Variants in ARNT observed in about 807,000 individuals in gnomAD.
ARNT encodes the protein aryl hydrocarbon receptor nuclear translocator.
Under a neutral mutation model 105.0 loss-of-function variants are expected in ARNT, and 30 were observed. The ratio of observed to expected loss-of-function variants is 0.29; its 90% confidence interval spans 0.21 to 0.39. The LOEUF (loss-of-function observed/expected upper bound fraction) is 0.39, where lower values mean the gene tolerates loss of function less well. Ranked by LOEUF, ARNT falls within the 10% of genes least tolerant of loss-of-function variation. The probability of loss-of-function intolerance (pLI) is 1.00; values close to 1 mark genes in which losing one functional copy is unlikely to be tolerated. For missense variants in ARNT, 748 were observed against 978.7 expected (o/e 0.76, Z 3.15); for synonymous variants, 304 against 344.0 (o/e 0.88, Z 1.29).
chr1:150,847,157 C>T (rs1662375965), intron 3 of ARNT, among the ~76,000 whole-genome samples: 1 of 151,920 alleles, frequency 6.6e-6, no homozygotes, highest in South Asian at 2.1e-4. Context: ...GGAGGCTGGG[C>T]GCAGTGGCTC....
At chr1:150,836,559 G>A (rs1660365140) in intron 6 of ARNT, 66 bp from the exon 7 acceptor site, 15 of 1,489,112 alleles carry the variant, frequency 1.0e-5, no homozygotes, top group South Asian at 3.8e-5. Flanking sequence ...CTATTCACAG[G>A]AAGAAGTAAG....
At chr1:150,845,678 C>T (rs192724642) in intron 4 of ARNT, among the ~76,000 whole-genome samples, 13 of 151,798 alleles carry the variant, frequency 8.6e-5, no homozygotes, top group South Asian at 4.2e-4. Context: ...CCGAGGCGGG[C>T]GGATCACAAG....
At chr1:150,823,439 T>G in intron 13 of ARNT, 94 bp from the exon 14 acceptor site, 32 of 1,248,862 alleles carry the variant, frequency 2.6e-5, no homozygotes, top group Non-Finnish European at 3.2e-5. Flanking sequence ...CCTAAAACTC[T>G]TGTCATTGTC....
intron 1 of ARNT, among the ~76,000 whole-genome samples, chr1:150,867,647 G>T (rs1666823471): frequency 6.6e-6 from 1 of 152,152 alleles, no homozygotes; most frequent in Non-Finnish European, 1.5e-5. Context: ...GGGTGATATG[G>T]TTTGGCTCTG....
At chr1:150,823,552 CT>C (rs34223160) in intron 13 of ARNT, among the ~76,000 whole-genome samples, 47,363 of 132,354 alleles carry the variant, frequency 0.36, 5,878 homozygotes, top group South Asian at 0.48. Context: ...GAGACTTAAG[CT>C]TTTTTTTTTT....
intron 8 of ARNT, among the ~76,000 whole-genome samples, chr1:150,834,005 G>A (rs2101880245): frequency 6.6e-6 from 1 of 151,680 alleles, no homozygotes; most frequent in Non-Finnish European, 1.5e-5. Flanking sequence ...CACAATCTCG[G>A]CTCACTGCAA....
chr1:150,842,507 A>G (rs1661468105), intron 4 of ARNT, 39 bp from the exon 5 acceptor site: 2 of 1,591,534 alleles, frequency 1.3e-6, no homozygotes, highest in Non-Finnish European at 1.7e-6. Flanking sequence ...AAATTAAAAT[A>G]AAAAAGAAGG....
At chr1:150,842,320 A>C in intron 5 of ARNT, 104 bp downstream of exon 5, 1 of 1,484,006 alleles carries the variant, frequency 6.7e-7, no homozygotes, top group Non-Finnish European at 9.0e-7. Context: ...TGCCACAGAT[A>C]AGGAAAAATA....
chr1:150,814,017 C>A lies in ARNT; in HGVS notation c.2113+60G>T, dbSNP rs370497335. 6.3e-6 allele frequency: 10 copies of A among 1,583,760 alleles called. No homozygotes were observed. In the East Asian group the frequency reaches 2.0e-4, roughly 32 times the overall value. On this transcript the variant is annotated intron_variant, in intron 20 of 21. Transcript: ENST00000358595. ...AACACAGGCAAACAACTTTAACTAC[C>A]AAATCCTTTCTCTTTAGTGGTGCGA... is the stretch of plus-strand genomic sequence containing the variant.
At chr1:150,873,356 A>G (rs1043150922) in intron 1 of ARNT, among the ~76,000 whole-genome samples, 3 of 152,068 alleles carry the variant, frequency 2.0e-5, no homozygotes, top group Non-Finnish European at 2.9e-5. Flanking sequence ...GAAACAGCCT[A>G]AAGTTTCATG....
At chr1:150,876,445 T>G in intron 1 of ARNT, 98 bp downstream of exon 1, 3 of 1,303,334 alleles carry the variant, frequency 2.3e-6, no homozygotes, top group East Asian at 4.1e-5. Flanking sequence ...CCCCGGCGCC[T>G]TCAGCTCCAG....
intron 20 of ARNT, among the ~76,000 whole-genome samples, chr1:150,813,640 T>A (rs587685488): frequency 4.3e-4 from 66 of 152,206 alleles, no homozygotes; most frequent in African/African-American, 1.3e-3. Flanking sequence ...GGTAGTTTTT[T>A]TTTTTTATTT....
In ARNT at chr1:150,814,304, CTA is replaced by C; in HGVS notation, c.1951-67_1951-66del. On this transcript the variant is annotated intron_variant, in intron 19 of 21. Transcript: ENST00000358595. The stretch of plus-strand genomic sequence containing the variant: ...ATTAACATCATTGCACATACCATGC[CTA>C]TGAGAGTCAACACTGTCAATCACTG... The C allele has an allele frequency of 4.0e-6, 6 of 1,502,894 alleles. 1 individual carries two copies. In the South Asian group the frequency reaches 6.0e-5, roughly 15 times the overall value. 93.1% of individuals were successfully genotyped at this position (1,502,894 alleles called of 1,614,324 possible).
intron 4 of ARNT, among the ~76,000 whole-genome samples, chr1:150,844,136 T>A (rs1198457519): frequency 6.6e-6 from 1 of 152,200 alleles, no homozygotes; most frequent in Non-Finnish European, 1.5e-5. Flanking sequence ...CCTCCAAATA[T>A]CTATGATTAA....
intron 14 of ARNT, among the ~76,000 whole-genome samples, chr1:150,822,790 A>G (rs1657376937): frequency 6.6e-6 from 1 of 152,208 alleles, no homozygotes; most frequent in Non-Finnish European, 1.5e-5. Flanking sequence ...TGGCATCAGA[A>G]GTGGGAGCAG....
chr1:150,844,775 C>A (rs1179251180), intron 4 of ARNT, among the ~76,000 whole-genome samples: 2 of 149,968 alleles, frequency 1.3e-5, no homozygotes, highest in African/African-American at 4.9e-5. Context: ...TTTTTTCAAT[C>A]AAAACTCTAC....
chr1:150,848,653 C>T (rs933747323), intron 3 of ARNT, among the ~76,000 whole-genome samples: 2 of 152,004 alleles, frequency 1.3e-5, no homozygotes, highest in African/African-American at 4.8e-5. Flanking sequence ...CTCAGCTTCC[C>T]GAGTAGCTGA....
At chr1:150,852,861 G>C in intron 2 of ARNT, 55 bp from the exon 3 acceptor site, 1 of 1,602,744 alleles carries the variant, frequency 6.2e-7, no homozygotes, top group Non-Finnish European at 8.5e-7. Context: ...AAAACATTAA[G>C]AAGTTAAAAT....
chr1:150,836,350 A>G lies in ARNT; in HGVS notation c.630T>C (p.Tyr210=). 6.2e-7 allele frequency: 1 copy of G among 1,614,152 alleles called. No individual in the cohort carries two copies. Among genetic ancestry groups the G allele is most frequent in the Non-Finnish European group, 8.5e-7 (1 of 1,180,018 alleles). Residue 210 remains tyrosine, a synonymous_variant, in exon 7 of 22, where the codon TAT becomes TAC. Coordinates refer to ENST00000358595, the MANE Select transcript of ARNT (RefSeq NM_001668.4). ...CCACATCATCTGGGTGCACCTGATC[A>G]TAGAGTGTGCTGCCAAACCATTCAG... is the stretch of plus-strand genomic sequence containing the variant. ...PQSEWFGSTL[Y]DQVHPDDVDK...
Sources: gnomAD v4.1 joint callset for allele counts (sites outside exome capture counted in the v4.1 genomes callset) on GRCh38, gnomAD v4.1.1 for gene constraint, MANE v1.5 for transcripts, NCBI Gene and HGNC (gene_info 2026-07-23, HGNC 2026-07-21) for gene names.